INPP5D: variants seen among roughly 807,000 people sequenced by gnomAD.
INPP5D encodes inositol polyphosphate-5-phosphatase D, also known as phosphatidylinositol 3,4,5-trisphosphate 5-phosphatase 1.
Under a neutral mutation model 122.9 loss-of-function variants are expected in INPP5D, and 33 were observed. The observed-to-expected ratio is 0.27, with a 90% CI of 0.20 to 0.36. The LOEUF (loss-of-function observed/expected upper bound fraction) is 0.36. INPP5D is among the 10% of genes least tolerant of loss of function. The pLI, the probability that INPP5D is intolerant of heterozygous loss-of-function variation, is 1.00. For missense variants in INPP5D, 1,053 were observed against 1,412.7 expected (o/e 0.75, Z 4.08); for synonymous variants, 584 against 576.2 (o/e 1.01, Z -0.19).
chr2:233,069,795 G>A (rs1157964809), intron 1 of INPP5D, among the ~76,000 whole-genome samples: 1 of 152,162 alleles, frequency 6.6e-6, no homozygotes, highest in East Asian at 1.9e-4. Context: ...AAATATGACT[G>A]ATGAAGGTCT....
intron 6 of INPP5D, among the ~76,000 whole-genome samples, chr2:233,141,840 G>A (rs940054835): frequency 6.6e-6 from 1 of 152,196 alleles, no homozygotes; most frequent in African/African-American, 2.4e-5. Flanking sequence ...GAAGGGGACT[G>A]GGCCAAGGGG....
chr2:233,184,795 C>T (rs1419751144), intron 20 of INPP5D, among the ~76,000 whole-genome samples: 2 of 152,142 alleles, frequency 1.3e-5, no homozygotes, highest in African/African-American at 4.8e-5. Flanking sequence ...AATCCCTGGC[C>T]CTCAGGGTGG....
chr2:233,200,532 C>T (rs1453962228), intron 25 of INPP5D, among the ~76,000 whole-genome samples: 6 of 152,220 alleles, frequency 3.9e-5, no homozygotes, highest in Non-Finnish European at 8.8e-5. Context: ...GAGCCAGCAG[C>T]GGTGTGTTCT....
intron 2 of INPP5D, among the ~76,000 whole-genome samples, chr2:233,098,492 T>G (rs915698783): frequency 6.6e-6 from 1 of 152,162 alleles, no homozygotes; most frequent in African/African-American, 2.4e-5. Context: ...ATAGTTCTGG[T>G]CTTCTTTAAC....
chr2:233,179,702 T>C (rs767813134), intron 18 of INPP5D, among the ~76,000 whole-genome samples: 1 of 152,146 alleles, frequency 6.6e-6, no homozygotes, highest in Non-Finnish European at 1.5e-5. Context: ...TTTCATTGAG[T>C]GCCAGAGGGC....
At chr2:233,192,369 A>C (rs1695078968) in intron 22 of INPP5D, among the ~76,000 whole-genome samples, 1 of 152,232 alleles carries the variant, frequency 6.6e-6, no homozygotes, top group African/African-American at 2.4e-5. Context: ...GCATATCATC[A>C]AAATAAAAAG....
intron 18 of INPP5D, among the ~76,000 whole-genome samples, chr2:233,181,219 T>C (rs1463431923): frequency 1.5e-5 from 2 of 133,982 alleles, no homozygotes; most frequent in African/African-American, 5.0e-5. Flanking sequence ...TCTTTTCATG[T>C]TTATTAGCCA....
At chr2:233,087,320 T>A (rs1383764465) in intron 2 of INPP5D, among the ~76,000 whole-genome samples, 1 of 151,846 alleles carries the variant, frequency 6.6e-6, no homozygotes, top group Non-Finnish European at 1.5e-5. Flanking sequence ...ATATTATATT[T>A]ATTTATTTAT....
chr2:233,083,737 G>A (rs1691753127), intron 2 of INPP5D, among the ~76,000 whole-genome samples: 2 of 152,156 alleles, frequency 1.3e-5, no homozygotes, highest in South Asian at 4.1e-4. Context: ...CCTGCAAGCC[G>A]CCCTCATGGG....
chr2:233,162,187 G>A (rs149947428), intron 11 of INPP5D, among the ~76,000 whole-genome samples: 7 of 152,258 alleles, frequency 4.6e-5, no homozygotes, highest in African/African-American at 1.7e-4. Flanking sequence ...AGGCCTGAGA[G>A]AAAGAAGTCC....
In INPP5D at chr2:233,164,309, C is replaced by A; in HGVS notation, c.1440C>A (p.Val480=). ...QEITSVTFKT[V]AIHTLWNIRI... The stretch of plus-strand genomic sequence containing the variant: ...TTGCAACGTTGTCCTCCCACCAGGT[C>A]GCCATCCACACGCTCTGGAACATCC... The change falls in exon 13 of 27, where the codon GTC becomes GTA. Residue 480 remains valine (V), a splice_region_variant and synonymous_variant. Transcript: ENST00000445964. This position sits in a 1 kb window ranked among gnomAD's most constrained non-coding sequence, Gnocchi z 4.3. The A allele has an allele frequency of 6.5e-7, 1 of 1,548,828 alleles. No homozygotes were observed. The highest frequency in any genetic ancestry group is 1.2e-5 in the South Asian group (1 of 83,710).
At position 233,170,367 on chromosome 2, in the gene INPP5D, T is replaced by TGCCTGG; in HGVS notation, c.1792-128_1792-127insCCTGGG. ...TGTGCTCACACCCGGTTCCCATAAC[T>TGCCTGG]GTCACAGCCACCCTGCCACCATCAC... On this transcript the variant is annotated intron_variant, in intron 15 of 26. Coordinates refer to ENST00000445964, the MANE Select transcript of INPP5D (RefSeq NM_001017915.3). The surrounding 1 kb of genome is among the most constrained non-coding windows in gnomAD (Gnocchi z 4.5). The TGCCTGG allele has an allele frequency of 6.7e-7, 1 of 1,501,788 alleles. No homozygotes were observed. Among genetic ancestry groups the TGCCTGG allele is most frequent in the Non-Finnish European group, 9.0e-7 (1 of 1,116,712 alleles). 93.0% of individuals were successfully genotyped at this position (1,501,788 alleles called of 1,614,324 possible).
Position 233,078,679 on chromosome 2 carries a change from T to G in INPP5D, c.135-656T>G, listed in dbSNP as rs1388461814. 6.6e-6 allele frequency among the ~76,000 whole-genome samples: 1 copy of G among 151,344 alleles called. No individual in the cohort carries two copies. The highest frequency in any genetic ancestry group is 1.5e-5 in the Non-Finnish European group (1 of 67,672). On this transcript the variant is annotated intron_variant, in intron 1 of 26. Transcript: ENST00000445964. This position sits in a 1 kb window ranked among gnomAD's most constrained non-coding sequence, Gnocchi z 4.6. ...AACACCCCCTCTTTTTTGTTGTTTTTTTGTTTTGTTTTGTTTTGTTTTGAG... is the reference window on the plus strand; with the variant it reads ...AACACCCCCTCTTTTTTGTTGTTTTGTTGTTTTGTTTTGTTTTGTTTTGAG...
chr2:233,096,165 C>T (rs550056640), intron 2 of INPP5D, among the ~76,000 whole-genome samples: 9 of 152,284 alleles, frequency 5.9e-5, no homozygotes, highest in Admixed American at 5.2e-4. Flanking sequence ...TGAAGGAATG[C>T]GTATATGATT....
chr2:233,156,181 A>G (rs1411858098), intron 9 of INPP5D, among the ~76,000 whole-genome samples: 1 of 152,250 alleles, frequency 6.6e-6, no homozygotes, highest in African/African-American at 2.4e-5. Flanking sequence ...GTTCCAAGAC[A>G]GGAGCCAGTG....
intron 2 of INPP5D, among the ~76,000 whole-genome samples, chr2:233,116,752 G>A (rs963981356): frequency 2.6e-5 from 4 of 151,768 alleles, no homozygotes; most frequent in African/African-American, 4.8e-5. Context: ...GCCTGCCACT[G>A]CACCTGGCTA....
intron 5 of INPP5D, among the ~76,000 whole-genome samples, chr2:233,131,669 C>G (rs1197996913): frequency 6.6e-6 from 1 of 152,206 alleles, no homozygotes. Context: ...CACTGCACTC[C>G]AGCCTGGGTA....
chr2:233,072,326 T>C (rs1691402805), intron 1 of INPP5D, among the ~76,000 whole-genome samples: 1 of 152,216 alleles, frequency 6.6e-6, no homozygotes, highest in African/African-American at 2.4e-5. Flanking sequence ...AATAATTTTA[T>C]ATATTTATAT....
intron 5 of INPP5D, among the ~76,000 whole-genome samples, chr2:233,138,210 C>T (rs1386987707): frequency 6.9e-6 from 1 of 145,900 alleles, no homozygotes; most frequent in Non-Finnish European, 1.5e-5. Context: ...ATTAGCTGGG[C>T]GTGGTGGTGT....
Sources: gnomAD v4.1 joint callset for allele counts (sites outside exome capture counted in the v4.1 genomes callset) on GRCh38, gnomAD v4.1.1 for gene constraint, Gnocchi (gnomAD v3.1) non-coding constraint, MANE v1.5 for transcripts, NCBI Gene and HGNC (gene_info 2026-07-23, HGNC 2026-07-21) for gene names.